The following ATP13A4 variants were observed in gnomAD, a reference collection of about 807,000 sequenced individuals.
ATP13A4 encodes probable cation-transporting ATPase 13A4.
In ATP13A4, 114 loss-of-function variants were observed where a neutral mutation model predicts 142.5. That is an observed-to-expected ratio of 0.80 (90% confidence interval 0.69 to 0.93). The LOEUF is 0.93. Among genes scored for constraint, ATP13A4 ranks in the 40% least tolerant of loss-of-function variants. ATP13A4 has a pLI of 0.00. For missense variants in ATP13A4, 1,392 were observed against 1,454.0 expected, an observed-to-expected ratio of 0.96 and a Z score of 0.69; for synonymous variants, 488 against 514.8, an observed-to-expected ratio of 0.95 and a Z score of 0.70.
At chr3:193,433,120 G>A (rs1324478474) in intron 25 of ATP13A4, among the ~76,000 whole-genome samples, 1 of 152,120 alleles carries the variant, frequency 6.6e-6, no homozygotes, top group Admixed American at 6.6e-5. Context: ...CTTTAGCTGA[G>A]CTAGTAAGAC....
intron 1 of ATP13A4, among the ~76,000 whole-genome samples, chr3:193,586,761 T>C (rs761853840): frequency 8.5e-5 from 13 of 152,242 alleles, no homozygotes; most frequent in Non-Finnish European, 1.6e-4. Context: ...ATTACAATTG[T>C]TTTATAATAA....
intron 16 of ATP13A4, among the ~76,000 whole-genome samples, chr3:193,455,340 CAAAAAA>C (rs71179306): frequency 4.1e-4 from 31 of 75,560 alleles, no homozygotes; most frequent in Non-Finnish European, 6.6e-4. Flanking sequence ...GACTCCGTCT[CAAAAAA>C]AAAAAAAAAA....
At chr3:193,552,903 T>TA (rs1357016545) in intron 1 of ATP13A4, among the ~76,000 whole-genome samples, 1 of 152,220 alleles carries the variant, frequency 6.6e-6, no homozygotes, top group Non-Finnish European at 1.5e-5. Flanking sequence ...ATGCTGTGTA[T>TA]ACTAAAAATC....
chr3:193,522,271 G>A (rs1162385371), intron 1 of ATP13A4, among the ~76,000 whole-genome samples: 2 of 152,196 alleles, frequency 1.3e-5, no homozygotes, highest in East Asian at 1.9e-4. Context: ...CTGCAGGCAG[G>A]AAGGTAAGAC....
intron 1 of ATP13A4, among the ~76,000 whole-genome samples, chr3:193,518,701 G>A (rs1721560775): frequency 6.6e-6 from 1 of 152,206 alleles, no homozygotes; most frequent in Non-Finnish European, 1.5e-5. Context: ...ATCTAATTGT[G>A]AGTACCTCAA....
intron 1 of ATP13A4, among the ~76,000 whole-genome samples, chr3:193,546,918 C>A (rs281796): frequency 0.87 from 132,919 of 152,236 alleles, 58,231 homozygotes; most frequent in East Asian, 0.97. Context: ...TTCTTAGTCC[C>A]GAACTTGGCT....
Position 193,437,021 on chromosome 3 carries a change from G to A in ATP13A4, c.2673-1277C>T, listed in dbSNP as rs989498819. On this transcript the variant is annotated intron_variant, in intron 23 of 29. Coordinates refer to ENST00000342695, the MANE Select transcript of ATP13A4 (RefSeq NM_032279.4). Reference sequence around the variant, plus strand: ...TGGGAGGCTGAGGCAGGAGAATGGCGTGAACCCGGGAGGCGGAGCTTGCAG... The same window carrying A: ...TGGGAGGCTGAGGCAGGAGAATGGCATGAACCCGGGAGGCGGAGCTTGCAG... Among the ~76,000 whole-genome samples, 116 of 139,748 alleles carry A rather than the reference G, an allele frequency of 8.3e-4. 1 individual carries two copies. The highest frequency in any genetic ancestry group is 2.1e-3 in the East Asian group (10 of 4,844). 91.7% of individuals were successfully genotyped at this position (139,748 alleles called of 152,430 possible). A position where few individuals can be genotyped will look rare whatever the true frequency, so the allele number is the denominator to read the frequency against.
chr3:193,496,410 C>T (rs192075564), intron 3 of ATP13A4, among the ~76,000 whole-genome samples: 66 of 152,178 alleles, frequency 4.3e-4, no homozygotes, highest in Admixed American at 3.9e-3. Context: ...AAAACAGAAA[C>T]GAATTCACAC....
At chr3:193,515,260 T>C (rs916492566) in intron 1 of ATP13A4, among the ~76,000 whole-genome samples, 2 of 152,098 alleles carry the variant, frequency 1.3e-5, no homozygotes, top group African/African-American at 4.8e-5. Context: ...AGTGGCAGAA[T>C]GGGATGATGT....
chr3:193,573,276 C>CGT (rs745558107), intron 2 of ATP13A4, among the ~76,000 whole-genome samples: 1,150 of 77,732 alleles, frequency 0.015, 33 homozygotes, highest in African/African-American at 0.046. Context: ...TATATATATA[C>CGT]ATATATATAT....
chr3:193,446,690 T>TA (rs1343103641), intron 18 of ATP13A4, among the ~76,000 whole-genome samples: 3 of 151,964 alleles, frequency 2.0e-5, no homozygotes, highest in Admixed American at 1.3e-4. Context: ...CAAAAAATGG[T>TA]AAAAAATAAA....
chr3:193,433,160 C>T (rs1426596659), intron 25 of ATP13A4, among the ~76,000 whole-genome samples: 1 of 152,104 alleles, frequency 6.6e-6, no homozygotes, highest in Non-Finnish European at 1.5e-5. Context: ...CATGTCAAAA[C>T]TTCAATCATT....
intron 1 of ATP13A4, among the ~76,000 whole-genome samples, chr3:193,591,187 C>T (rs555940434): frequency 1.4e-4 from 21 of 152,282 alleles, no homozygotes; most frequent in African/African-American, 5.1e-4. Flanking sequence ...CCTCAGCCTC[C>T]GAGTAGCTGG....
In ATP13A4 at chr3:193,437,289, C is replaced by T. The variant is rs114312392; in HGVS notation, c.2672+1186G>A. ...ACCCCATCTGAAGCAGCTGCTTCCA[C>T]CTATATAGCCATCTTATTCCCTTTT... On this transcript the variant is annotated intron_variant, in intron 23 of 29. Transcript: ENST00000342695. 4.3e-3 allele frequency among the ~76,000 whole-genome samples: 656 copies of T among 151,826 alleles called. 3 individuals are homozygous for T. Among genetic ancestry groups the T allele is most frequent in the Non-Finnish European group, 7.7e-3 (520 of 67,932 alleles).
chr3:193,436,750 C>T (rs1009105897), intron 23 of ATP13A4, among the ~76,000 whole-genome samples: 2 of 151,508 alleles, frequency 1.3e-5, no homozygotes, highest in Non-Finnish European at 2.9e-5. Flanking sequence ...CCACACCCAG[C>T]CTAGATCATA....
chr3:193,459,109 T>G lies in ATP13A4; in HGVS notation c.1646A>C (p.Asp549Ala). The G allele has an allele frequency of 6.2e-7, 1 of 1,614,202 alleles. No homozygotes were observed. The highest frequency in any genetic ancestry group is 8.5e-7 in the Non-Finnish European group (1 of 1,180,042). Residue 549 changes from aspartate (D) to alanine (A), a missense_variant, in exon 14 of 30, where the codon GAC becomes GCC. Physicochemically the swap from Asp to Ala is moderately radical, Grantham distance 126. Coordinates refer to ENST00000342695, the MANE Select transcript of ATP13A4 (RefSeq NM_032279.4). ...LDGTIQGDPL[D>A]LKMFEATTWE... Reference sequence around the variant, plus strand: ...GGTGGTGGCTTCAAACATTTTGAGGTCCAGAGGGTCTCCCTGGATGGTCCC... The same window carrying G: ...GGTGGTGGCTTCAAACATTTTGAGGGCCAGAGGGTCTCCCTGGATGGTCCC...
At chr3:193,409,451 T>A (rs1024793046) in intron 28 of ATP13A4, among the ~76,000 whole-genome samples, 4 of 152,230 alleles carry the variant, frequency 2.6e-5, no homozygotes, top group African/African-American at 9.6e-5. Context: ...TCTCTCCAAA[T>A]TAAATATGTT....
At chr3:193,475,949 T>C (rs1192615871) in intron 8 of ATP13A4, among the ~76,000 whole-genome samples, 6 of 151,956 alleles carry the variant, frequency 3.9e-5, no homozygotes, top group Admixed American at 3.9e-4. Flanking sequence ...AAAAGAGTAA[T>C]CTCTTCCTGT....
rs1560193896 is a variant in ATP13A4, at chr3:193,448,240, G to A, written c.2118C>T (p.Leu706=). 1.9e-6 allele frequency: 3 copies of A among 1,614,140 alleles called. No homozygotes were observed. The highest frequency in any genetic ancestry group is 1.3e-5 in the African/African-American group (1 of 75,056). ...TTACAGTCCTTATCCGGGCTGAGAT[G>A]AGCTCTTCCAAGACAGGTTTTGTCT... ...KEETKPVLEE[L]ISARIRTVMI... is the part of the protein sequence containing the mutation. The change falls in exon 18 of 30, where the codon CTC becomes CTT. Residue 706 remains leucine (L), a synonymous_variant. Transcript: ENST00000342695.
Sources: allele counts gnomAD v4.1 joint callset (sites outside exome capture counted in the v4.1 genomes callset), GRCh38; gene constraint gnomAD v4.1.1; transcripts MANE v1.5; gene names NCBI Gene and HGNC (gene_info 2026-07-23, HGNC 2026-07-21).